Variants in LRRC45 observed in about 807,000 individuals in gnomAD.
The protein encoded by LRRC45 is leucine-rich repeat-containing protein 45.
Under a neutral mutation model 85.4 loss-of-function variants are expected in LRRC45, and 73 were observed. The ratio of observed to expected loss-of-function variants is 0.85; its 90% CI spans 0.71 to 1.04. The LOEUF (loss-of-function observed/expected upper bound fraction) is 1.04. Ranked by LOEUF, LRRC45 falls within the 50% of genes least tolerant of loss-of-function variation. LRRC45 has a pLI of 0.00. For missense variants in LRRC45, 937 were observed against 883.3 expected (o/e 1.06, Z -0.77); for synonymous variants, 429 against 386.0 (o/e 1.11, Z -1.31).
At chr17:82,025,578 C>A in intron 5 of LRRC45, 71 bp downstream of exon 5, 1 of 1,454,060 alleles carries the variant, frequency 6.9e-7, no homozygotes. Context: ...GGCGGGGTGC[C>A]GGGCTCAGGA....
rs1207668673 is a variant in LRRC45 at position 82,028,225 on chromosome 17, C to G, written c.1048-9C>G. 2 of 1,568,852 alleles carry G rather than the reference C, an allele frequency of 1.3e-6. No homozygotes were observed. Among genetic ancestry groups the G allele is most frequent in the South Asian group, 1.2e-5 (1 of 85,924 alleles). On this transcript the variant is annotated splice_polypyrimidine_tract_variant and intron_variant, in intron 9 of 16. Coordinates refer to ENST00000306688, the MANE Select transcript of LRRC45 (RefSeq NM_144999.4). ...GACCCTCACTACCCATACCCCGTTCCCCTCCCAGGAAGCTGCAGAGCGGGA... is the reference window on the plus strand; with the variant it reads ...GACCCTCACTACCCATACCCCGTTCGCCTCCCAGGAAGCTGCAGAGCGGGA...
At chr17:82,027,841 A>C in intron 8 of LRRC45, 90 bp downstream of exon 8, 1 of 1,539,820 alleles carries the variant, frequency 6.5e-7, no homozygotes, top group South Asian at 1.2e-5. Context: ...CCTGTTTGCA[A>C]AGCAGAGGTG....
At chr17:82,029,846 C>T (rs1039074637) in intron 14 of LRRC45, among the ~76,000 whole-genome samples, 2 of 152,242 alleles carry the variant, frequency 1.3e-5, no homozygotes, top group African/African-American at 4.8e-5. Flanking sequence ...CAGCCTGTGA[C>T]TACACGCATG....
rs769938256 is a variant in LRRC45, at chr17:82,028,657, G to A, written c.1282G>A (p.Asp428Asn). Residue 428 changes from aspartate (D) to asparagine (N), a missense_variant, in exon 12 of 17, where the codon GAC becomes AAC. By Grantham distance (23) the Asp-to-Asn change is conservative. Transcript: ENST00000306688. ...EKRRCRQSLE[D>N]SESLRIKEVE... ...GAGAAGATGCAGACAGAGCCTGGAGGACTCCGAAAGCCTGCGCATCAAGGA... is the reference window on the plus strand; with the variant it reads ...GAGAAGATGCAGACAGAGCCTGGAGAACTCCGAAAGCCTGCGCATCAAGGA... 1.7e-5 allele frequency: 27 copies of A among 1,612,760 alleles called. No individual in the cohort carries two copies. Among genetic ancestry groups the A allele is most frequent in the African/African-American group, 5.3e-5 (4 of 74,928 alleles).
chr17:82,027,636 G>T, intron 7 of LRRC45, 38 bp from the exon 8 acceptor site: 1 of 1,599,600 alleles, frequency 6.3e-7, no homozygotes, highest in Non-Finnish European at 8.5e-7. Flanking sequence ...GCGCTCTGGG[G>T]TTTGGGTTAC....
chr17:82,028,464 C>T lies in LRRC45; in HGVS notation c.1193C>T (p.Thr398Ile). 1.9e-6 allele frequency: 3 copies of T among 1,612,694 alleles called. No homozygotes were observed. The highest frequency in any genetic ancestry group is 2.5e-6 in the Non-Finnish European group (3 of 1,179,964). Residue 398 changes from threonine to isoleucine, a missense_variant, in exon 11 of 17, where the codon ACC becomes ATC. Transcript: ENST00000306688. ...CTGTTCCAGACCAGGCAGGAGATGACCAGCATGTCAGCTGAGCTGAAGATG... is the reference window on the plus strand; with the variant it reads ...CTGTTCCAGACCAGGCAGGAGATGATCAGCATGTCAGCTGAGCTGAAGATG... ...EQLFQTRQEMTSMSAELKMRA... is the reference protein window; with the variant it reads ...EQLFQTRQEMISMSAELKMRA...
chr17:82,024,621 C>A, intron 2 of LRRC45, 72 bp from the exon 3 acceptor site: 1 of 1,497,682 alleles, frequency 6.7e-7, no homozygotes, highest in Non-Finnish European at 9.0e-7. Context: ...CTGACCAAGG[C>A]CCTTGGGGCA....
intron 5 of LRRC45, among the ~76,000 whole-genome samples, chr17:82,026,564 TTG>T (rs550616399): frequency 0.033 from 4,524 of 137,442 alleles, 129 homozygotes; most frequent in African/African-American, 0.082. Flanking sequence ...CACAGCTCCT[TTG>T]TGTGTGTGTG....
chr17:82,027,806 A>G, intron 8 of LRRC45, 55 bp downstream of exon 8: 1 of 1,582,562 alleles, frequency 6.3e-7, no homozygotes, highest in East Asian at 2.3e-5. Context: ...GGGCAGAGAA[A>G]GGTGGTGTGA....
intron 14 of LRRC45, 147 bp downstream of exon 14, chr17:82,029,782 C>A: frequency 1.2e-6 from 1 of 856,448 alleles, no homozygotes; most frequent in Non-Finnish European, 1.8e-6. Flanking sequence ...CTGGTGGGTC[C>A]GCTTCAGCCT....
chr17:82,029,516 C>T (rs772951899), intron 13 of LRRC45, 27 bp from the exon 14 acceptor site: 70 of 1,551,502 alleles, frequency 4.5e-5, no homozygotes, highest in East Asian at 3.2e-4. Context: ...GACAGGAGAA[C>T]GGGCTGGCAG....
Position 82,029,647 on chromosome 17 carries a change from A to C in LRRC45, c.1494+12A>C. On this transcript the variant is annotated intron_variant, in intron 14 of 16. Transcript: ENST00000306688. Reference sequence around the variant, plus strand: ...CCCGCCTGGAGGAGGTGAGCCACACATGTCCGCCACCCTCCGGGGGAGCCA... The same window carrying C: ...CCCGCCTGGAGGAGGTGAGCCACACCTGTCCGCCACCCTCCGGGGGAGCCA... The C allele has an allele frequency of 1.3e-6, 2 of 1,558,906 alleles. No homozygotes were observed. Among genetic ancestry groups the C allele is most frequent in the Non-Finnish European group, 1.7e-6 (2 of 1,152,758 alleles).
chr17:82,025,710 C>T lies in LRRC45; in HGVS notation c.661+203C>T, dbSNP rs570394616. ...CACACATGGGCACTGTCCGAGGCGC[C>T]CTGTGTACTTGCTGAGTTCTTAGGA... On this transcript the variant is annotated intron_variant, in intron 5 of 16. Coordinates refer to ENST00000306688, the MANE Select transcript of LRRC45 (RefSeq NM_144999.4). 3.8e-4 allele frequency among the ~76,000 whole-genome samples: 58 copies of T among 152,350 alleles called. No individual in the cohort carries two copies. In the South Asian group the frequency reaches 0.011, roughly 28 times the overall value.
chr17:82,026,064 C>T (rs1446003706), intron 5 of LRRC45, among the ~76,000 whole-genome samples: 1 of 152,220 alleles, frequency 6.6e-6, no homozygotes, highest in Non-Finnish European at 1.5e-5. Context: ...CAGCGGCAGC[C>T]TCTTCCAGCC....
chr17:82,029,053 C>G lies in LRRC45; in HGVS notation c.1309-40C>G, dbSNP rs774633545. The stretch of plus-strand genomic sequence containing the variant: ...TCCGTGAGGAGAAGGTAGGGAGGCC[C>G]GCTCTCCACTCTGGCCCCACAATCC... On this transcript the variant is annotated intron_variant, in intron 12 of 16. Transcript: ENST00000306688. 9 of 1,569,340 alleles carry G rather than the reference C, an allele frequency of 5.7e-6. 1 individual carries two copies. The Middle Eastern group carries it at 1.3e-3, about 234-fold the overall frequency.
Position 82,023,743 on chromosome 17 carries a change from C to T in LRRC45, c.100C>T (p.Arg34Trp), listed in dbSNP as rs368576582. The part of the protein sequence containing the change: ...LQQLHQLPRG[R>W]LDLATQSLTV... The stretch of plus-strand genomic sequence containing the variant: ...GCAGCTGCACCAGCTTCCCAGGGGC[C>T]GGCTGGACCTGGCCACGCAAAGCCT... The change falls in exon 1 of 17, where the codon CGG (arginine) becomes TGG (tryptophan). Residue 34 changes from arginine to tryptophan, a missense_variant. Arg to Trp is a moderately radical substitution (Grantham distance 101, BLOSUM62 -3). Coordinates refer to ENST00000306688, the MANE Select transcript of LRRC45 (RefSeq NM_144999.4). The T allele has an allele frequency of 7.1e-6, 11 of 1,552,348 alleles. No homozygotes were observed. The highest frequency in any genetic ancestry group is 9.5e-6 in the Non-Finnish European group (11 of 1,152,286).
Position 82,027,998 on chromosome 17 carries a change from C to G in LRRC45, c.912-13C>G, listed in dbSNP as rs371786698. On this transcript the variant is annotated splice_polypyrimidine_tract_variant and intron_variant, in intron 8 of 16. Transcript: ENST00000306688. ...TCCAACCGGGGCGGGGGTGCTGCCC[C>G]TCCTTTCTGCAGGCTGCAGATGACA... is the stretch of plus-strand genomic sequence containing the variant. The G allele has an allele frequency of 4.1e-5, 66 of 1,590,410 alleles. No homozygotes were observed. The highest frequency in any genetic ancestry group is 5.5e-5 in the Non-Finnish European group (64 of 1,169,982).
intron 5 of LRRC45, among the ~76,000 whole-genome samples, chr17:82,025,732 A>G (rs1160068111): frequency 6.6e-6 from 1 of 152,214 alleles, no homozygotes; most frequent in African/African-American, 2.4e-5. Flanking sequence ...CTGAGTTCTT[A>G]GGACCTGTGC....
intron 12 of LRRC45, 99 bp downstream of exon 12, chr17:82,028,782 C>A (rs1307600787): frequency 7.5e-7 from 1 of 1,334,184 alleles, no homozygotes; most frequent in Non-Finnish European, 1.0e-6. Flanking sequence ...CCCTTGCCAA[C>A]CTTGGGTCAC....
Sources: gnomAD v4.1 joint callset for allele counts (sites outside exome capture counted in the v4.1 genomes callset) on GRCh38, gnomAD v4.1.1 for gene constraint, MANE v1.5 for transcripts, NCBI Gene and HGNC (gene_info 2026-07-23, HGNC 2026-07-21) for gene names.